The following MAT2B variants were observed in gnomAD, a reference collection of about 807,000 sequenced individuals.
The protein encoded by MAT2B is methionine adenosyltransferase 2 non-catalytic beta subunit.
A neutral mutation model predicts 36.1 loss-of-function variants in MAT2B; 16 were observed. The ratio of observed to expected loss-of-function variants is 0.44; its 90% CI spans 0.30 to 0.67. The LOEUF is 0.67. MAT2B is among the 30% of genes least tolerant of loss of function. The pLI, the probability that MAT2B is intolerant of heterozygous loss-of-function variation, is 0.09. For missense variants in MAT2B, 332 were observed against 398.2 expected (o/e 0.83, Z 1.42); for synonymous variants, 148 against 136.9 (o/e 1.08, Z -0.57).
chr5:163,503,847 T>G (rs74476772), upstream of MAT2B, among the ~76,000 whole-genome samples: 1,555 of 152,352 alleles, frequency 0.01, 32 homozygotes, highest in African/African-American at 0.034. Flanking sequence ...CGAAGTTGTA[T>G]ATTGTCTATG....
At chr5:163,511,868 A>G (rs1164680448) in intron 1 of MAT2B, 134 bp from the exon 2 acceptor site, 1 of 677,050 alleles carries the variant, frequency 1.5e-6, no homozygotes, top group Non-Finnish European at 2.5e-6. Context: ...TAACTTTAGA[A>G]TTGGCTTGCA....
chr5:163,517,413 G>T, intron 5 of MAT2B, 148 bp from the exon 6 acceptor site: 1 of 451,310 alleles, frequency 2.2e-6, no homozygotes, highest in Non-Finnish European at 4.1e-6. Flanking sequence ...GTAGGAATTT[G>T]ATTTTAGATA....
rs1190648841 is a variant in MAT2B, at chr5:163,518,678, G to A, written c.*315G>A. On this transcript the variant is annotated 3_prime_UTR_variant, in exon 7 of 7. Transcript: ENST00000321757. ...TGCTGTAGACTTTTCAGATGAAATT[G>A]TTCATTCTCGTAACCTCCATATTTT... 2.8e-5 allele frequency: 5 copies of A among 179,730 alleles called. No individual in the cohort carries two copies. In the East Asian group the frequency reaches 7.1e-4, roughly 25 times the overall value. The allele number at this position is 179,730 out of a possible 1,614,324, so 11.1% of individuals were successfully genotyped here.
intron 1 of MAT2B, among the ~76,000 whole-genome samples, chr5:163,506,751 G>A (rs999789305): frequency 2.0e-5 from 3 of 152,192 alleles, no homozygotes; most frequent in Middle Eastern, 3.2e-3. Context: ...ACATTTATAT[G>A]TATGCATTTG....
rs186526604 is a variant in MAT2B, at chr5:163,512,166, T to C, written c.228T>C (p.Asn76=). 1.5e-5 allele frequency: 24 copies of C among 1,614,128 alleles called. No homozygotes were observed. The African/African-American group carries it at 2.9e-4, about 20-fold the overall frequency. The part of the protein sequence containing the change: ...KFEQVNLLDS[N]AVHHIIHDFQ... ...AACAGGTTAATCTGTTGGATTCTAA[T>C]GCAGTTCATCACATCATTCATGATT... Residue 76 remains asparagine, a synonymous_variant, in exon 2 of 7, where the codon AAT becomes AAC. Coordinates refer to ENST00000321757, the MANE Select transcript of MAT2B (RefSeq NM_013283.5).
At chr5:163,515,770 CTTTTTTTTTTTTTT>C (rs66978639) in intron 4 of MAT2B, among the ~76,000 whole-genome samples, 3 of 69,780 alleles carry the variant, frequency 4.3e-5, no homozygotes, top group African/African-American at 1.5e-4. Context: ...TTGCCTTTTT[CTTTTTTTTTTTTTT>C]TTTTTTTTTT....
At chr5:163,509,736 A>G (rs971284797) in intron 1 of MAT2B, among the ~76,000 whole-genome samples, 1 of 152,140 alleles carries the variant, frequency 6.6e-6, no homozygotes, top group Admixed American at 6.5e-5. Flanking sequence ...TAGACTTGGC[A>G]TGTTTTCTCC....
Position 163,511,994 on chromosome 5 carries a change from C to T in MAT2B, c.64-8C>T. 1 of 1,607,190 alleles carries T rather than the reference C, an allele frequency of 6.2e-7. No homozygotes were observed. Among genetic ancestry groups the T allele is most frequent in the Non-Finnish European group, 8.5e-7 (1 of 1,175,126 alleles). ...TAGTAACTCTTTCTATCCGCCTTCA[C>T]CTTTTAGGAGGAAGTTAACATCCCT... On this transcript the variant is annotated splice_region_variant and splice_polypyrimidine_tract_variant and intron_variant, in intron 1 of 6. Transcript: ENST00000321757.
At position 163,517,544 on chromosome 5, in the gene MAT2B, T is replaced by C. The variant is rs1373382521; in HGVS notation, c.721-17T>C. The C allele has an allele frequency of 7.0e-7, 1 of 1,429,070 alleles. No homozygotes were observed. The highest frequency in any genetic ancestry group is 1.7e-5 in the Admixed American group (1 of 59,626). 88.5% of individuals were successfully genotyped at this position (1,429,070 alleles called of 1,614,324 possible). On this transcript the variant is annotated splice_polypyrimidine_tract_variant and intron_variant, in intron 5 of 6. Transcript: ENST00000321757. ...AAAAAGTTGAAACTATTGAATTTATTGTGTCATCGTTCTTAGGATCCATCA... is the reference window on the plus strand; with the variant it reads ...AAAAAGTTGAAACTATTGAATTTATCGTGTCATCGTTCTTAGGATCCATCA...
chr5:163,517,809 T>G (rs1760156384), intron 6 of MAT2B, 135 bp downstream of exon 6: 1 of 580,812 alleles, frequency 1.7e-6, no homozygotes, highest in South Asian at 2.4e-5. Context: ...GCTACTTTTC[T>G]CTAAATTATC....
intron 1 of MAT2B, among the ~76,000 whole-genome samples, chr5:163,510,290 G>C (rs1760016743): frequency 6.6e-6 from 1 of 150,430 alleles, no homozygotes; most frequent in Admixed American, 6.7e-5. Context: ...TTCCTAAATA[G>C]TGGTTCTTTT....
At chr5:163,509,143 C>T (rs1759995381) in intron 1 of MAT2B, among the ~76,000 whole-genome samples, 1 of 152,110 alleles carries the variant, frequency 6.6e-6, no homozygotes, top group Non-Finnish European at 1.5e-5. Flanking sequence ...TACTGCAAAA[C>T]TGTGACGATT....
rs1760056466 is a variant in MAT2B at position 163,512,117 on chromosome 5, T to C, written c.179T>C (p.Phe60Ser). Residue 60 changes from phenylalanine to serine, a missense_variant, in exon 2 of 7, where the codon TTC (phenylalanine) becomes TCC (serine). By Grantham distance (155) the Phe-to-Ser change is radical (BLOSUM62 -2). Coordinates refer to ENST00000321757, the MANE Select transcript of MAT2B (RefSeq NM_013283.5). ...QNNWHAVGCG[F>S]RRARPKFEQV... ...AATTGGCATGCAGTTGGCTGTGGTT[T>C]CAGAAGAGCAAGACCAAAATTTGAA... 6.2e-7 allele frequency: 1 copy of C among 1,614,066 alleles called. No homozygotes were observed. The highest frequency in any genetic ancestry group is 8.5e-7 in the Non-Finnish European group (1 of 1,180,028).
At chr5:163,508,282 G>A (rs967668019) in intron 1 of MAT2B, among the ~76,000 whole-genome samples, 12 of 151,806 alleles carry the variant, frequency 7.9e-5, no homozygotes, top group African/African-American at 2.2e-4. Context: ...CTTTCACCCC[G>A]TCTGAAGTGC....
chr5:163,516,437 A>T, intron 4 of MAT2B, 81 bp from the exon 5 acceptor site: 1 of 1,129,778 alleles, frequency 8.9e-7, no homozygotes, highest in South Asian at 1.4e-5. Flanking sequence ...CTTTGATATT[A>T]TTTAAATCCA....
At chr5:163,505,475 G>C, upstream of MAT2B, 9 of 1,207,232 alleles carry the variant, frequency 7.5e-6, no homozygotes, top group African/African-American at 4.7e-5. Context: ...GCGTGGGCTG[G>C]GGGCAGACCG....
At chr5:163,515,813 C>T (rs1760124301) in intron 4 of MAT2B, among the ~76,000 whole-genome samples, 2 of 100,740 alleles carry the variant, frequency 2.0e-5, no homozygotes, top group African/African-American at 4.2e-5. Context: ...GGGTCTCAGT[C>T]GCCTGGGCTG....
At chr5:163,505,471 G>T (rs1358128789), upstream of MAT2B, 1 of 1,196,430 alleles carries the variant, frequency 8.4e-7, no homozygotes. Context: ...CGGCGCGTGG[G>T]CTGGGGGCAG....
intron 1 of MAT2B, among the ~76,000 whole-genome samples, chr5:163,509,886 A>G (rs1760011350): frequency 6.6e-6 from 1 of 152,214 alleles, no homozygotes; most frequent in Admixed American, 6.5e-5. Flanking sequence ...ATTGCTTTCA[A>G]CTTTTAAAAT....
Sources: gnomAD v4.1 joint callset for allele counts (sites outside exome capture counted in the v4.1 genomes callset) on GRCh38, gnomAD v4.1.1 for gene constraint, MANE v1.5 for transcripts, NCBI Gene and HGNC (gene_info 2026-07-23, HGNC 2026-07-21) for gene names.